The following CMKLR1 variants were observed in gnomAD, a reference collection of about 807,000 sequenced individuals.
CMKLR1 encodes chemerin chemokine-like receptor 1, also known as chemerin-like receptor 1.
A neutral mutation model predicts 8.2 loss-of-function variants in CMKLR1; 6 were observed. The observed-to-expected ratio is 0.73, with a 90% CI of 0.40 to 1.44. CMKLR1 has a LOEUF of 1.44. CMKLR1 is among the 40% of genes most tolerant of loss of function. The pLI is 0.02. For missense variants in CMKLR1, 429 were observed against 478.0 expected (o/e 0.90, Z 0.96); for synonymous variants, 178 against 181.2 (o/e 0.98, Z 0.14).
chr12:108,306,023 C>T (rs1028394453), intron 2 of CMKLR1, among the ~76,000 whole-genome samples: 1 of 152,236 alleles, frequency 6.6e-6, no homozygotes, highest in African/African-American at 2.4e-5. Flanking sequence ...TAGAACACTA[C>T]TCCTTGAGCC....
At position 108,326,684 on chromosome 12, in the gene CMKLR1, A is replaced by G. The variant is rs1325166487; in HGVS notation, c.-74+3311T>C. On this transcript the variant is annotated intron_variant, in intron 2 of 3. Transcript: ENST00000550402. ...CGATGTGGCCTTGGGCACTCAGCTG[A>G]TGTCTTTGAGCCTCAGTCTCTGGGC... 1.4e-4 allele frequency among the ~76,000 whole-genome samples: 21 copies of G among 152,156 alleles called. 1 individual carries two copies.
In CMKLR1 at chr12:108,292,741, G is replaced by A. The variant is rs776627631; in HGVS notation, c.222C>T (p.Asn74=). The change falls in exon 4 of 4, where the codon AAC becomes AAT. Residue 74 remains asparagine, a synonymous_variant. Transcript: ENST00000550402. The part of the protein sequence containing the change: ...IATFKMKKTV[N]MVWFLNLAVA... ...CTGCCAGGTTGAGGAACCAGACCAT[G>A]TTCACTGTCTTCTTCATCTTGAAGG... 2 of 1,614,164 alleles carry A rather than the reference G, an allele frequency of 1.2e-6. No individual in the cohort carries two copies. The highest frequency in any genetic ancestry group is 1.7e-6 in the Non-Finnish European group (2 of 1,180,034).
chr12:108,312,779 C>A (rs1891618371), intron 2 of CMKLR1, among the ~76,000 whole-genome samples: 1 of 152,142 alleles, frequency 6.6e-6, no homozygotes, highest in Non-Finnish European at 1.5e-5. Context: ...GATCTCATAT[C>A]AGTTGTCCCC....
chr12:108,324,348 C>T (rs764984591), intron 2 of CMKLR1, among the ~76,000 whole-genome samples: 6 of 152,178 alleles, frequency 3.9e-5, no homozygotes, highest in Admixed American at 1.3e-4. Context: ...TGCCGCTTAC[C>T]AGCTGTGTGA....
intron 1 of CMKLR1, among the ~76,000 whole-genome samples, chr12:108,338,235 T>G (rs975773355): frequency 6.6e-6 from 1 of 152,180 alleles, no homozygotes; most frequent in African/African-American, 2.4e-5. Context: ...AGGTTTTGTG[T>G]CCTTTATATA....
Position 108,301,100 on chromosome 12 carries a change from G to A in CMKLR1, c.-73-7436C>T, listed in dbSNP as rs1037251058. On this transcript the variant is annotated intron_variant, in intron 2 of 3. Coordinates refer to ENST00000550402, the MANE Select transcript of CMKLR1 (RefSeq NM_001142343.2). ...TTTTTTTTTTTTTTTTTTTTGAGAC[G>A]AAGTCTCACTCTGTTGCCAGGCTGG... Among the ~76,000 whole-genome samples, 7 of 115,988 alleles carry A rather than the reference G, an allele frequency of 6.0e-5. No individual in the cohort carries two copies. In the East Asian group the frequency reaches 1.5e-3, roughly 25 times the overall value. The allele number at this position is 115,988 out of a possible 152,430, so 76.1% of individuals were successfully genotyped here. A position where few individuals can be genotyped will look rare whatever the true frequency, so the allele number is the denominator to read the frequency against.
chr12:108,307,915 G>A (rs1000418664), intron 2 of CMKLR1, among the ~76,000 whole-genome samples: 2 of 152,154 alleles, frequency 1.3e-5, no homozygotes, highest in African/African-American at 4.8e-5. Flanking sequence ...AACCTCTGTG[G>A]CACACCTAGA....
intron 1 of CMKLR1, among the ~76,000 whole-genome samples, chr12:108,335,699 A>G (rs1274245729): frequency 1.3e-5 from 2 of 152,250 alleles, no homozygotes; most frequent in African/African-American, 4.8e-5. Context: ...CTTGGAGTAG[A>G]GGAGTTGCAG....
At chr12:108,333,300 A>G (rs1892149660) in intron 1 of CMKLR1, among the ~76,000 whole-genome samples, 1 of 152,168 alleles carries the variant, frequency 6.6e-6, no homozygotes, top group African/African-American at 2.4e-5. Flanking sequence ...CTGCTGAGTC[A>G]GCCGCTGGTA....
chr12:108,327,270 G>A (rs1239545096), intron 2 of CMKLR1, among the ~76,000 whole-genome samples: 1 of 152,192 alleles, frequency 6.6e-6, no homozygotes, highest in African/African-American at 2.4e-5. Flanking sequence ...TTGAAGCCAG[G>A]AGTTTGAGAC....
intron 1 of CMKLR1, among the ~76,000 whole-genome samples, chr12:108,334,838 G>A (rs560453533): frequency 3.9e-5 from 6 of 152,266 alleles, no homozygotes; most frequent in Non-Finnish European, 8.8e-5. Context: ...TTTCCATGTA[G>A]GCTTGTAGGG....
At chr12:108,338,715 T>C (rs190738847) in intron 1 of CMKLR1, among the ~76,000 whole-genome samples, 40 of 152,274 alleles carry the variant, frequency 2.6e-4, no homozygotes, top group African/African-American at 9.1e-4. Context: ...AATCTTAAGA[T>C]AGCCTTTCTA....
intron 2 of CMKLR1, among the ~76,000 whole-genome samples, chr12:108,313,678 C>T (rs1891645320): frequency 6.6e-6 from 1 of 152,200 alleles, no homozygotes; most frequent in Non-Finnish European, 1.5e-5. Context: ...CCGCTGGTCA[C>T]TCTATGAACA....
intron 2 of CMKLR1, among the ~76,000 whole-genome samples, chr12:108,301,982 AAC>A: frequency 6.6e-6 from 1 of 152,050 alleles, no homozygotes; most frequent in African/African-American, 2.4e-5. Flanking sequence ...TCCTGCCTCC[AAC>A]GGAGGAAGAT....
chr12:108,297,936 T>A (rs1891178419), intron 2 of CMKLR1, among the ~76,000 whole-genome samples: 1 of 152,172 alleles, frequency 6.6e-6, no homozygotes, highest in African/African-American at 2.4e-5. Context: ...GCTATGTAAT[T>A]CCTAGTCAAT....
At chr12:108,297,864 TC>T (rs985470818) in intron 2 of CMKLR1, among the ~76,000 whole-genome samples, 3 of 152,346 alleles carry the variant, frequency 2.0e-5, no homozygotes, top group Admixed American at 2.0e-4. Context: ...TTCATAGATT[TC>T]CCTTCATCTC....
rs1057401 is a variant in CMKLR1, at chr12:108,292,231, C to G, written c.732G>C (p.Val244=). ...LIITACYLTI[V]CKLQRNRLAK... The stretch of plus-strand genomic sequence containing the variant: ...CCAGGCGGTTGCGCTGCAGTTTGCA[C>G]ACGATGGTGAGGTAGCAAGCTGTGA... Residue 244 remains valine (V), a synonymous_variant, in exon 4 of 4, where the codon GTG becomes GTC. Transcript: ENST00000550402. 711,502 of 1,613,768 alleles carry G rather than the reference C, an allele frequency of 0.44. 165,462 individuals are homozygous for G. The highest frequency in any genetic ancestry group is 0.61 in the African/African-American group (45,863 of 74,898).
At chr12:108,299,096 C>G (rs1404647414) in intron 2 of CMKLR1, among the ~76,000 whole-genome samples, 1 of 152,322 alleles carries the variant, frequency 6.6e-6, no homozygotes, top group Middle Eastern at 3.4e-3. Context: ...GCTAAAGTGA[C>G]AGGAATTTGT....
chr12:108,299,876 C>A (rs1891222647), intron 2 of CMKLR1, among the ~76,000 whole-genome samples: 1 of 152,142 alleles, frequency 6.6e-6, no homozygotes, highest in Non-Finnish European at 1.5e-5. Flanking sequence ...TTGTTTTAAG[C>A]CACTCAGTTT....
Sources: allele counts gnomAD v4.1 joint callset (sites outside exome capture counted in the v4.1 genomes callset), GRCh38; gene constraint gnomAD v4.1.1; transcripts MANE v1.5; gene names NCBI Gene and HGNC (gene_info 2026-07-23, HGNC 2026-07-21).